PAX5: variants seen among roughly 807,000 people sequenced by gnomAD.
The protein encoded by PAX5 is paired box 5.
PAX5 carries 9 observed loss-of-function variants against 43.7 expected under a neutral mutation model. The observed-to-expected ratio is 0.21, with a 90% CI of 0.12 to 0.36. PAX5 has a LOEUF of 0.36. Ranked by LOEUF, PAX5 falls within the 10% of genes least tolerant of loss-of-function variation. PAX5 has a pLI of 1.00. For synonymous variants in PAX5, 228 were observed against 214.3 expected (o/e 1.06, Z -0.56); for missense variants, 383 against 532.7 (o/e 0.72, Z 2.77).
chr9:37,001,810 C>T (rs1046290822), intron 5 of PAX5, among the ~76,000 whole-genome samples: 5 of 87,990 alleles, frequency 5.7e-5, no homozygotes, highest in South Asian at 5.1e-4. Context: ...ACAGCTCTGG[C>T]TTTTTTTTTT....
At chr9:36,994,292 C>T (rs1047168332) in intron 5 of PAX5, among the ~76,000 whole-genome samples, 8 of 152,304 alleles carry the variant, frequency 5.3e-5, no homozygotes, top group African/African-American at 1.9e-4. Context: ...AAACCAGGTC[C>T]TCACCATCTC....
At chr9:36,922,681 T>C (rs796925567) in intron 7 of PAX5, 1 of 152,460 alleles carries the variant, frequency 6.6e-6, no homozygotes, top group African/African-American at 2.4e-5. Flanking sequence ...ACGAACAAAT[T>C]AATCCTCACC....
chr9:36,974,865 A>G (rs970738268), intron 5 of PAX5, among the ~76,000 whole-genome samples: 3 of 151,804 alleles, frequency 2.0e-5, no homozygotes, highest in African/African-American at 7.3e-5. Flanking sequence ...AGTCAGGGTC[A>G]CCCCCCACTT....
intron 7 of PAX5, among the ~76,000 whole-genome samples, chr9:36,919,687 A>T (rs368066049): frequency 1.2e-3 from 182 of 152,080 alleles, no homozygotes; most frequent in African/African-American, 4.2e-3. Flanking sequence ...CTAAAAATAC[A>T]AAAATTAGCC....
At chr9:36,884,651 A>G (rs1396625466) in intron 7 of PAX5, among the ~76,000 whole-genome samples, 1 of 152,218 alleles carries the variant, frequency 6.6e-6, no homozygotes, top group African/African-American at 2.4e-5. Context: ...ATACGATAAG[A>G]CAGAGACATA....
chr9:37,014,317 C>T (rs898722681), intron 3 of PAX5, among the ~76,000 whole-genome samples: 15 of 152,340 alleles, frequency 9.8e-5, no homozygotes, highest in Non-Finnish European at 2.1e-4. Context: ...GGTTCTTTCT[C>T]TCCCTGTGTG....
Position 36,840,693 on chromosome 9 carries a change from C to T in PAX5, c.1100-57G>A, listed in dbSNP as rs112533218. 2.0e-3 allele frequency: 2,191 copies of T among 1,097,498 alleles called. 22 individuals carry two copies. Among genetic ancestry groups the T allele is most frequent in the African/African-American group, 0.018 (1,184 of 66,446 alleles). The allele number at this position is 1,097,498 out of a possible 1,614,324, so 68.0% of individuals were successfully genotyped here. On this transcript the variant is annotated intron_variant, in intron 9 of 9. Transcript: ENST00000358127. The stretch of plus-strand genomic sequence containing the variant: ...GATCCGGGGTCCCCTTTCCACCAGT[C>T]TCCTCCACTTCTGTCCTTTCCTCCC...
At chr9:36,874,176 G>A (rs1471578113) in intron 8 of PAX5, among the ~76,000 whole-genome samples, 1 of 152,134 alleles carries the variant, frequency 6.6e-6, no homozygotes, top group East Asian at 1.9e-4. Context: ...CACAACCATC[G>A]TTTCAAACAG....
At chr9:37,033,771 G>C (rs1038697326) in intron 1 of PAX5, among the ~76,000 whole-genome samples, 1 of 152,208 alleles carries the variant, frequency 6.6e-6, no homozygotes, top group Admixed American at 6.5e-5. Flanking sequence ...TGAACATTCA[G>C]AAACAGAGAA....
intron 3 of PAX5, among the ~76,000 whole-genome samples, chr9:37,012,378 T>G (rs1158378558): frequency 6.6e-6 from 1 of 152,200 alleles, no homozygotes; most frequent in Non-Finnish European, 1.5e-5. Context: ...ACTCTCCATC[T>G]TGGCCTCTGT....
intron 1 of PAX5, chr9:37,026,480 C>T: frequency 1.5e-6 from 2 of 1,301,496 alleles, no homozygotes; most frequent in Non-Finnish European, 2.0e-6. Context: ...GTCCGGCACC[C>T]CCAACCCGGT....
intron 6 of PAX5, among the ~76,000 whole-genome samples, chr9:36,936,764 C>A (rs190243811): frequency 2.0e-5 from 3 of 152,126 alleles, no homozygotes; most frequent in African/African-American, 7.2e-5. Flanking sequence ...GGGAGGTGGG[C>A]CTGGATGCCC....
intron 1 of PAX5, among the ~76,000 whole-genome samples, chr9:37,033,016 TAC>T (rs1387059691): frequency 1.3e-5 from 2 of 152,246 alleles, no homozygotes; most frequent in African/African-American, 4.8e-5. Flanking sequence ...TGTCTGTGTG[TAC>T]ACACAAATAC....
At position 36,882,488 on chromosome 9, in the gene PAX5, C is replaced by A. The variant is rs1490792230; in HGVS notation, c.911-383G>T. ...TGGCTGGGACCTCTCCATCTCCACA[C>A]TGTTGTTTCTGCTATGTCCTTTGTA... On this transcript the variant is annotated intron_variant, in intron 7 of 9. Coordinates refer to ENST00000358127, the MANE Select transcript of PAX5 (RefSeq NM_016734.3). The surrounding 1 kb of genome is among the most constrained non-coding windows in gnomAD (Gnocchi z 4.4). Among the ~76,000 whole-genome samples, 1 of 152,202 alleles carries A rather than the reference C, an allele frequency of 6.6e-6. No homozygotes were observed. Among genetic ancestry groups the A allele is most frequent in the Non-Finnish European group, 1.5e-5 (1 of 68,044 alleles).
At chr9:36,949,104 C>T (rs1156532563) in intron 6 of PAX5, among the ~76,000 whole-genome samples, 1 of 152,184 alleles carries the variant, frequency 6.6e-6, no homozygotes, top group East Asian at 1.9e-4. Flanking sequence ...CTCTGTCGCC[C>T]AGGCTGGAGT....
chr9:37,000,420 T>C (rs1390408645), intron 5 of PAX5, among the ~76,000 whole-genome samples: 2 of 152,094 alleles, frequency 1.3e-5, no homozygotes, highest in Non-Finnish European at 2.9e-5. Context: ...TTCCTGAGGA[T>C]CAGGACTCTA....
intron 6 of PAX5, among the ~76,000 whole-genome samples, chr9:36,962,637 C>G (rs913861919): frequency 6.6e-6 from 1 of 152,134 alleles, no homozygotes; most frequent in African/African-American, 2.4e-5. Context: ...TCACTTCTAC[C>G]ACAGATATGG....
intron 5 of PAX5, among the ~76,000 whole-genome samples, chr9:36,988,729 G>A (rs976049730): frequency 4.0e-5 from 6 of 150,556 alleles, no homozygotes; most frequent in East Asian, 3.9e-4. Flanking sequence ...AATTTAGAAC[G>A]TTCTCAACGA....
At chr9:36,901,278 C>T (rs979847474) in intron 7 of PAX5, among the ~76,000 whole-genome samples, 1 of 152,062 alleles carries the variant, frequency 6.6e-6, no homozygotes, top group African/African-American at 2.4e-5. Context: ...TCATGCTGTT[C>T]CTTCTGCCTG....
Sources: gnomAD v4.1 joint callset for allele counts (sites outside exome capture counted in the v4.1 genomes callset) on GRCh38, gnomAD v4.1.1 for gene constraint, Gnocchi (gnomAD v3.1) non-coding constraint, MANE v1.5 for transcripts, NCBI Gene and HGNC (gene_info 2026-07-23, HGNC 2026-07-21) for gene names.